Variants in KIF4A observed in about 807,000 individuals in gnomAD.
KIF4A encodes kinesin family member 4A.
A neutral mutation model predicts 105.9 loss-of-function variants in KIF4A; 7 were observed. The observed-to-expected ratio is 0.07, with a 90% CI of 0.04 to 0.12. The LOEUF (loss-of-function observed/expected upper bound fraction) is 0.12, where lower values mean the gene tolerates loss of function less well. Among genes scored for constraint, KIF4A ranks in the 10% least tolerant of loss-of-function variants. The pLI is 1.00. For missense variants in KIF4A, 558 were observed against 929.2 expected, an observed-to-expected ratio of 0.60 and a Z score of 5.19; for synonymous variants, 281 against 331.3, an observed-to-expected ratio of 0.85 and a Z score of 1.65.
intron 3 of KIF4A, among the ~76,000 whole-genome samples, chrX:70,292,447 C>A (rs983777705): frequency 8.9e-6 from 1 of 112,217 alleles, no homozygotes. Context: ...TTTTGTCTGG[C>A]ATTTACTTAT....
At chrX:70,375,899 G>A (rs2086173107) in intron 17 of KIF4A, among the ~76,000 whole-genome samples, 1 of 111,706 alleles carries the variant, frequency 9.0e-6, no homozygotes, top group Non-Finnish European at 1.9e-5. Context: ...TCTTCTCAGT[G>A]TTCACTTGTA....
At chrX:70,404,187 G>A (rs1465730066) in intron 24 of KIF4A, among the ~76,000 whole-genome samples, 153 bp downstream of exon 24, 3 of 111,995 alleles carry the variant, frequency 2.7e-5, no homozygotes, top group South Asian at 7.5e-4. Context: ...AAGCAGAGAC[G>A]TGACTTGTCT....
chrX:70,318,813 C>A (rs2085879758), intron 7 of KIF4A, among the ~76,000 whole-genome samples: 1 of 112,019 alleles, frequency 8.9e-6, no homozygotes, highest in African/African-American at 3.2e-5. Context: ...TATTAAATGT[C>A]TTTTTCCTAC....
intron 13 of KIF4A, among the ~76,000 whole-genome samples, chrX:70,346,111 T>A (rs1396076092): frequency 1.8e-5 from 2 of 111,338 alleles, no homozygotes; most frequent in African/African-American, 6.5e-5. Flanking sequence ...TAAGGTTTTT[T>A]AAAAAGGGAC....
rs1383607112 is a variant in KIF4A at position 70,373,518 on chromosome X, GTGTATGTATATATATA to G, written c.1675-631_1675-616del. ...GGGCAACATATATATATACATGTGT[GTGTATGTATATATATA>G]TATATATATATATATATATATACGT... On this transcript the variant is annotated intron_variant, in intron 15 of 30. Transcript: ENST00000374403. Among the ~76,000 whole-genome samples the G allele has an allele frequency of 1.4e-3, 10 of 6,955 alleles. 2 individuals are homozygous for G. The highest frequency in any genetic ancestry group is 5.6e-3 in the African/African-American group (10 of 1,796). The allele number at this position is 6,955 out of a possible 115,157, so 6.0% of individuals were successfully genotyped here.
intron 15 of KIF4A, among the ~76,000 whole-genome samples, chrX:70,371,608 AC>A (rs1321806036): frequency 1.1e-5 from 1 of 92,667 alleles, no homozygotes; most frequent in African/African-American, 4.2e-5. Flanking sequence ...CGGGGGGCTG[AC>A]CCCCCCACCT....
At chrX:70,395,614 G>A in intron 20 of KIF4A, 57 bp from the exon 21 acceptor site, 1 of 1,188,644 alleles carries the variant, frequency 8.4e-7, no homozygotes. Context: ...GCTGAATCTA[G>A]CCCATGAGCT....
At chrX:70,316,052 C>T (rs1374468822) in intron 7 of KIF4A, among the ~76,000 whole-genome samples, 1 of 111,513 alleles carries the variant, frequency 9.0e-6, no homozygotes, top group Non-Finnish European at 1.9e-5. Flanking sequence ...GGCCCCAGCA[C>T]CTACTTGGCT....
intron 7 of KIF4A, among the ~76,000 whole-genome samples, chrX:70,320,196 AC>A (rs2085885254): frequency 9.0e-6 from 1 of 111,455 alleles, no homozygotes; most frequent in African/African-American, 3.3e-5. Context: ...CTTCCTTAGC[AC>A]CATGGTAGAG....
At chrX:70,377,257 A>T (rs1752862405) in intron 18 of KIF4A, among the ~76,000 whole-genome samples, 1 of 110,593 alleles carries the variant, frequency 9.0e-6, no homozygotes, top group Admixed American at 9.7e-5. Flanking sequence ...TTTTTTGTAG[A>T]GATGGAATCT....
At chrX:70,310,032 G>A (rs1342869054) in intron 7 of KIF4A, among the ~76,000 whole-genome samples, 2 of 112,399 alleles carry the variant, frequency 1.8e-5, no homozygotes, top group Admixed American at 1.9e-4. Context: ...GACAGAGTGA[G>A]ACTCTTTCTC....
intron 18 of KIF4A, among the ~76,000 whole-genome samples, chrX:70,381,049 T>C (rs1272581095): frequency 9.0e-6 from 1 of 110,992 alleles, no homozygotes; most frequent in East Asian, 2.8e-4. Flanking sequence ...CTTGAGAGGC[T>C]GAGGCACGAG....
chrX:70,295,275 A>C (rs749059476), intron 3 of KIF4A, among the ~76,000 whole-genome samples: 1 of 110,500 alleles, frequency 9.0e-6, no homozygotes, highest in Non-Finnish European at 1.9e-5. Context: ...TCCTGGGTTC[A>C]AGCAATTCTC....
Position 70,395,517 on chromosome X carries a change from G to A in KIF4A, c.2233-154G>A, listed in dbSNP as rs757444793. ...GTTGCTGTTAAAGGCTCTTCGAGAG[G>A]TACTGACATTTTTGGTAAGTGTAGG... On this transcript the variant is annotated intron_variant, in intron 20 of 30. Coordinates refer to ENST00000374403, the MANE Select transcript of KIF4A (RefSeq NM_012310.5). 2.7e-5 allele frequency among the ~76,000 whole-genome samples: 3 copies of A among 111,528 alleles called. No individual in the cohort carries two copies. In the South Asian group the frequency reaches 1.1e-3, roughly 42 times the overall value.
At chrX:70,324,161 G>A (rs2085902061) in intron 7 of KIF4A, among the ~76,000 whole-genome samples, 1 of 111,952 alleles carries the variant, frequency 8.9e-6, no homozygotes, top group South Asian at 3.7e-4. Flanking sequence ...ACAATGAAAA[G>A]CACAAATTTT....
rs201543870 is a variant in KIF4A at position 70,338,068 on chromosome X, AT to A, written c.1134-3724del. ...TCAGTTGTCTTTTACTTTGTTTATG[AT>A]TTTTTTGTCATATAAAATGTTATGA... is the stretch of plus-strand genomic sequence containing the variant. On this transcript the variant is annotated intron_variant, in intron 10 of 30. Coordinates refer to ENST00000374403, the MANE Select transcript of KIF4A (RefSeq NM_012310.5). Among the ~76,000 whole-genome samples the A allele has an allele frequency of 7.8e-3, 865 of 111,386 alleles. 9 individuals carry two copies. The highest frequency in any genetic ancestry group is 0.026 in the African/African-American group (800 of 30,579).
chrX:70,357,258 G>T (rs1406590497), intron 15 of KIF4A, among the ~76,000 whole-genome samples: 1 of 111,741 alleles, frequency 8.9e-6, no homozygotes, highest in African/African-American at 3.3e-5. Flanking sequence ...AGCTTGCAGT[G>T]AGCCGAGATC....
rs1555945529 is a variant in KIF4A at position 70,310,311 on chromosome X, T to TTGTGTGTG, written c.778+7944_778+7951dup. On this transcript the variant is annotated intron_variant, in intron 7 of 30. Transcript: ENST00000374403. Reference sequence around the variant, plus strand: ...TCATTACAGTGGGATCTCAAAATGGTTGTGTGTGTGTGTGTGTGTGTGTGT... The same window carrying TTGTGTGTG: ...TCATTACAGTGGGATCTCAAAATGGTTGTGTGTGTGTGTGTGTGTGTGTGTGTGTGTGT... 4.7e-3 allele frequency among the ~76,000 whole-genome samples: 404 copies of TTGTGTGTG among 86,286 alleles called. 3 individuals carry two copies. Among genetic ancestry groups the TTGTGTGTG allele is most frequent in the African/African-American group, 0.016 (344 of 21,013 alleles). The allele number at this position is 86,286 out of a possible 115,157, so 74.9% of individuals were successfully genotyped here.
chrX:70,384,037 T>G (rs1045154668), intron 18 of KIF4A, among the ~76,000 whole-genome samples: 2 of 111,843 alleles, frequency 1.8e-5, no homozygotes, highest in African/African-American at 3.2e-5. Context: ...ATGAGTGAAT[T>G]GTATGGTATG....
Sources: allele counts gnomAD v4.1 joint callset (sites outside exome capture counted in the v4.1 genomes callset), GRCh38; gene constraint gnomAD v4.1.1; transcripts MANE v1.5; gene names NCBI Gene and HGNC (gene_info 2026-07-23, HGNC 2026-07-21).